The following RIN2 variants were observed in gnomAD, a reference collection of about 807,000 sequenced individuals.
The protein encoded by RIN2 is Ras and Rab interactor 2.
A neutral mutation model predicts 78.0 loss-of-function variants in RIN2; 36 were observed. That is an observed-to-expected ratio of 0.46 (90% confidence interval 0.35 to 0.61). The LOEUF is 0.61. Among genes scored for constraint, RIN2 ranks in the 20% least tolerant of loss-of-function variants. RIN2 has a pLI of 0.00. For synonymous variants in RIN2, 466 were observed against 466.8 expected, an observed-to-expected ratio of 1.00 and a Z score of 0.02; for missense variants, 1,087 against 1,159.7, an observed-to-expected ratio of 0.94 and a Z score of 0.91.
chr20:19,852,691 A>G (rs2037021276), intron 2 of RIN2, among the ~76,000 whole-genome samples: 1 of 152,150 alleles, frequency 6.6e-6, no homozygotes, highest in Admixed American at 6.5e-5. Flanking sequence ...CTCTCTGATC[A>G]TTCTTAATCT....
At chr20:19,922,185 G>C (rs556004341) in intron 3 of RIN2, among the ~76,000 whole-genome samples, 1 of 152,244 alleles carries the variant, frequency 6.6e-6, no homozygotes, top group Non-Finnish European at 1.5e-5. Flanking sequence ...CTTAAAGGGA[G>C]CTTGAGGACA....
chr20:19,938,120 A>G (rs2040721549), intron 4 of RIN2, among the ~76,000 whole-genome samples: 1 of 152,152 alleles, frequency 6.6e-6, no homozygotes, highest in South Asian at 2.1e-4. Flanking sequence ...TGCTGCCCCC[A>G]GTGCCCTGGC....
At chr20:19,779,010 A>G (rs2034406765) in intron 1 of RIN2, among the ~76,000 whole-genome samples, 1 of 152,200 alleles carries the variant, frequency 6.6e-6, no homozygotes, top group Non-Finnish European at 1.5e-5. Flanking sequence ...AATGTCCACA[A>G]GGAAATTATA....
intron 2 of RIN2, among the ~76,000 whole-genome samples, chr20:19,812,472 G>A (rs1182171410): frequency 1.3e-5 from 2 of 152,150 alleles, no homozygotes; most frequent in Non-Finnish European, 2.9e-5. Context: ...ATGATGTTAA[G>A]CATCTTTTCA....
At chr20:19,769,940 T>A (rs2034049368) in intron 1 of RIN2, among the ~76,000 whole-genome samples, 1 of 152,174 alleles carries the variant, frequency 6.6e-6, no homozygotes, top group Non-Finnish European at 1.5e-5. Context: ...GAAAAAGTAA[T>A]CAACCCCAAG....
chr20:19,966,467 G>C (rs2041942754), intron 7 of RIN2, among the ~76,000 whole-genome samples: 1 of 151,974 alleles, frequency 6.6e-6, no homozygotes, highest in Non-Finnish European at 1.5e-5. Context: ...GGGATTACAG[G>C]CATGCACCAC....
chr20:19,935,754 A>G (rs1164675374), intron 4 of RIN2: 3 of 353,268 alleles, frequency 8.5e-6, no homozygotes, highest in South Asian at 2.3e-4. Flanking sequence ...CATACTGCAC[A>G]CCGTCTGAAT....
At chr20:19,796,323 T>A (rs1290870832) in intron 1 of RIN2, among the ~76,000 whole-genome samples, 1 of 152,210 alleles carries the variant, frequency 6.6e-6, no homozygotes, top group Admixed American at 6.5e-5. Context: ...AGGATAACAT[T>A]TACTAATTAA....
At chr20:19,946,818 G>A (rs1470946445) in intron 4 of RIN2, among the ~76,000 whole-genome samples, 1 of 149,850 alleles carries the variant, frequency 6.7e-6, no homozygotes, top group Non-Finnish European at 1.5e-5. Flanking sequence ...ATCACCTGAT[G>A]TCAGGAGTTC....
At chr20:19,904,246 TATATATATATATATAAA>T (rs973374870) in intron 3 of RIN2, among the ~76,000 whole-genome samples, 3 of 144,260 alleles carry the variant, frequency 2.1e-5, no homozygotes, top group African/African-American at 7.7e-5. Context: ...AAAAAATATA[TATATATATATATATAAA>T]ATATATATAT....
intron 7 of RIN2, among the ~76,000 whole-genome samples, chr20:19,966,701 G>A (rs1477657155): frequency 1.3e-5 from 2 of 152,144 alleles, no homozygotes; most frequent in East Asian, 1.9e-4. Flanking sequence ...GGAAGGGGAG[G>A]CACTTCCAGA....
intron 1 of RIN2, among the ~76,000 whole-genome samples, chr20:19,784,640 C>T (rs2034615127): frequency 6.6e-6 from 1 of 152,132 alleles, no homozygotes. Context: ...CAAAATTCTA[C>T]AGACTTCAAA....
chr20:19,803,302 A>G (rs1306478062), intron 2 of RIN2, among the ~76,000 whole-genome samples: 1 of 152,216 alleles, frequency 6.6e-6, no homozygotes. Flanking sequence ...GTGTGCAAAA[A>G]GAACAAAGCT....
At chr20:19,814,995 C>CATT (rs748358377) in intron 2 of RIN2, among the ~76,000 whole-genome samples, 7 of 152,160 alleles carry the variant, frequency 4.6e-5, no homozygotes, top group Non-Finnish European at 1.0e-4. Context: ...TAAGCTTGAT[C>CATT]ATGTAATATT....
chr20:19,785,534 C>T (rs1364980253), intron 1 of RIN2, among the ~76,000 whole-genome samples: 1 of 152,186 alleles, frequency 6.6e-6, no homozygotes, highest in Non-Finnish European at 1.5e-5. Context: ...AGTAGATGGA[C>T]AAGAACTGTT....
chr20:19,904,728 G>T lies in RIN2; in HGVS notation c.57+15070G>T, dbSNP rs372939553. Reference sequence around the variant, plus strand: ...TTCCATTCTTAGTGCTATCGGAAGCGGTGATGGGTATGAGGAGGGGAGTGC... The same window carrying T: ...TTCCATTCTTAGTGCTATCGGAAGCTGTGATGGGTATGAGGAGGGGAGTGC... On this transcript the variant is annotated intron_variant, in intron 3 of 12. Transcript: ENST00000255006. 2.9e-4 allele frequency among the ~76,000 whole-genome samples: 44 copies of T among 152,304 alleles called. No homozygotes were observed. In the East Asian group the frequency reaches 3.1e-3, roughly 11 times the overall value.
At chr20:19,996,568 G>A (rs2146418697) in intron 11 of RIN2, 111 bp from the exon 12 acceptor site, 2 of 1,096,444 alleles carry the variant, frequency 1.8e-6, no homozygotes, top group Non-Finnish European at 1.4e-6. Flanking sequence ...GGAAATGCAT[G>A]TTGAAGAAAT....
Position 19,844,680 on chromosome 20 carries a change from T to C in RIN2, c.-36-44886T>C, listed in dbSNP as rs1312303454. 5.7e-3 allele frequency among the ~76,000 whole-genome samples: 339 copies of C among 59,464 alleles called. 8 individuals carry two copies. The highest frequency in any genetic ancestry group is 0.021 in the African/African-American group (316 of 14,740). The allele number at this position is 59,464 out of a possible 152,430, so 39.0% of individuals were successfully genotyped here. ...TTCTTCTTCTTCTTCCTTCTTCTTC[T>C]TCTTCCTCTTCCTCTTCCTCTTCTT... On this transcript the variant is annotated intron_variant, in intron 2 of 12. Transcript: ENST00000255006.
chr20:19,954,542 C>A (rs1306336705), intron 4 of RIN2, among the ~76,000 whole-genome samples: 2 of 152,166 alleles, frequency 1.3e-5, no homozygotes, highest in South Asian at 4.1e-4. Flanking sequence ...GGGGCTTGAC[C>A]TTGAGCAAGA....
Sources: allele counts gnomAD v4.1 joint callset (sites outside exome capture counted in the v4.1 genomes callset), GRCh38; gene constraint gnomAD v4.1.1; transcripts MANE v1.5; gene names NCBI Gene and HGNC (gene_info 2026-07-23, HGNC 2026-07-21).